TMEM65: variants seen among roughly 807,000 people sequenced by gnomAD.
TMEM65 encodes transmembrane protein 65.
Under a neutral mutation model 25.4 loss-of-function variants are expected in TMEM65, and 22 were observed. The ratio of observed to expected loss-of-function variants is 0.86; its 90% CI spans 0.62 to 1.23. The LOEUF (loss-of-function observed/expected upper bound fraction) is 1.23. Ranked by LOEUF, TMEM65 falls within the 50% of genes most tolerant of loss-of-function variation. The pLI, the probability that TMEM65 is intolerant of heterozygous loss-of-function variation, is 0.00. For synonymous variants in TMEM65, 132 were observed against 126.2 expected (o/e 1.05, Z -0.31); for missense variants, 262 against 308.2 (o/e 0.85, Z 1.12).
In TMEM65 at chr8:124,313,903, C is replaced by T; in HGVS notation, c.*57G>A. The T allele has an allele frequency of 8.7e-7, 1 of 1,145,184 alleles. No individual in the cohort carries two copies. The highest frequency in any genetic ancestry group is 1.3e-5 in the South Asian group (1 of 77,000). 70.9% of individuals were successfully genotyped at this position (1,145,184 alleles called of 1,614,324 possible). On this transcript the variant is annotated 3_prime_UTR_variant, in exon 7 of 7. Transcript: ENST00000297632. ...TCTTAATTCCTAAATGTTGTGACAG[C>T]ATATTTAATTACTGAGGTACATTAG... is the stretch of plus-strand genomic sequence containing the variant.
At chr8:124,315,286 AT>A (rs1409549165) in intron 6 of TMEM65, among the ~76,000 whole-genome samples, 1 of 150,964 alleles carries the variant, frequency 6.6e-6, no homozygotes, top group Non-Finnish European at 1.5e-5. Context: ...TCTCTTATAC[AT>A]TGTCTATTTA....
At chr8:124,318,560 G>C (rs1370204024) in intron 6 of TMEM65, among the ~76,000 whole-genome samples, 2 of 151,652 alleles carry the variant, frequency 1.3e-5, no homozygotes, top group Non-Finnish European at 2.9e-5. Context: ...ATTTTCAATA[G>C]AGACAGGGTT....
chr8:124,345,030 T>G (rs1020825107), intron 1 of TMEM65, among the ~76,000 whole-genome samples: 1 of 152,130 alleles, frequency 6.6e-6, no homozygotes, highest in East Asian at 1.9e-4. Flanking sequence ...AGGGGGAAAT[T>G]GTTAAATTAA....
At chr8:124,314,935 A>C (rs563880510) in intron 6 of TMEM65, among the ~76,000 whole-genome samples, 1 of 152,272 alleles carries the variant, frequency 6.6e-6, no homozygotes, top group South Asian at 2.1e-4. Flanking sequence ...TTGGCCTCCC[A>C]AATGAGATTA....
chr8:124,341,150 C>T (rs981816303), intron 1 of TMEM65, among the ~76,000 whole-genome samples: 1 of 151,860 alleles, frequency 6.6e-6, no homozygotes, highest in African/African-American at 2.4e-5. Context: ...AAAAGTAATA[C>T]ATGATTTTGG....
At chr8:124,320,675 G>T (rs16899542) in intron 5 of TMEM65, among the ~76,000 whole-genome samples, 1,719 of 152,172 alleles carry the variant, frequency 0.011, 28 homozygotes, top group African/African-American at 0.037. Context: ...CCTTAGAACT[G>T]TCAGGCCAAT....
At chr8:124,330,009 A>T (rs903714072) in intron 2 of TMEM65, among the ~76,000 whole-genome samples, 43 of 151,942 alleles carry the variant, frequency 2.8e-4, no homozygotes, top group African/African-American at 8.9e-4. Flanking sequence ...AGGTTTTTTT[A>T]AAAATTATAT....
At chr8:124,348,915 T>A (rs1430962400) in intron 1 of TMEM65, among the ~76,000 whole-genome samples, 1 of 152,192 alleles carries the variant, frequency 6.6e-6, no homozygotes, top group Non-Finnish European at 1.5e-5. Context: ...TGGGAAATGC[T>A]ACCACCAGCA....
rs548315565 is a variant in TMEM65 at position 124,348,172 on chromosome 8, C to G, written c.305-17380G>C. 2.0e-5 allele frequency among the ~76,000 whole-genome samples: 3 copies of G among 152,270 alleles called. No homozygotes were observed. In the East Asian group the frequency reaches 5.8e-4, roughly 29 times the overall value. On this transcript the variant is annotated intron_variant, in intron 1 of 6. Coordinates refer to ENST00000297632, the MANE Select transcript of TMEM65 (RefSeq NM_194291.3). The stretch of plus-strand genomic sequence containing the variant: ...ATGTTGGTCAGGCTGGTCTCAAACT[C>G]CTGACCTTAGGTGATCCACCCACCT...
intron 3 of TMEM65, among the ~76,000 whole-genome samples, chr8:124,324,490 GA>G (rs1169375857): frequency 1.3e-5 from 2 of 152,006 alleles, no homozygotes; most frequent in African/African-American, 4.8e-5. Context: ...TAAAGAGGAA[GA>G]AAAGGTAAAA....
At chr8:124,320,582 A>G (rs1814292306) in intron 5 of TMEM65, among the ~76,000 whole-genome samples, 2 of 152,200 alleles carry the variant, frequency 1.3e-5, no homozygotes, top group African/African-American at 4.8e-5. Context: ...AAAGCAAAGC[A>G]CTTTAACATA....
At position 124,330,764 on chromosome 8, in the gene TMEM65, T is replaced by C; in HGVS notation, c.333A>G (p.Pro111=). Residue 111 remains proline, a synonymous_variant, in exon 2 of 7, where the codon CCA becomes CCG. Coordinates refer to ENST00000297632, the MANE Select transcript of TMEM65 (RefSeq NM_194291.3). ...QEKLEAPPPT[P]GQLRYVFIHN... is the part of the protein sequence containing the mutation. Reference sequence around the variant, plus strand: ...AACCATTACCATATCTCAGCTGTCCTGGGGTGGGTGGTGGAGCTTCCAATT... The same window carrying C: ...AACCATTACCATATCTCAGCTGTCCCGGGGTGGGTGGTGGAGCTTCCAATT... The C allele has an allele frequency of 1.3e-6, 2 of 1,584,522 alleles. No homozygotes were observed. Among genetic ancestry groups the C allele is most frequent in the Non-Finnish European group, 1.7e-6 (2 of 1,168,934 alleles).
At chr8:124,314,560 C>T (rs1381028635) in intron 6 of TMEM65, among the ~76,000 whole-genome samples, 1 of 152,214 alleles carries the variant, frequency 6.6e-6, no homozygotes, top group African/African-American at 2.4e-5. Flanking sequence ...TTTCAGTATA[C>T]ATAAATGTAG....
At chr8:124,336,893 A>C (rs1814514916) in intron 1 of TMEM65, among the ~76,000 whole-genome samples, 1 of 151,950 alleles carries the variant, frequency 6.6e-6, no homozygotes, top group Non-Finnish European at 1.5e-5. Flanking sequence ...CTATACTGAT[A>C]GACAAAAAGA....
chr8:124,368,907 G>T (rs1184705100), intron 1 of TMEM65, among the ~76,000 whole-genome samples: 1 of 152,086 alleles, frequency 6.6e-6, no homozygotes, highest in Non-Finnish European at 1.5e-5. Flanking sequence ...TTGTTATACC[G>T]CAATGGATAA....
At chr8:124,338,116 TAAAG>T (rs1342465749) in intron 1 of TMEM65, among the ~76,000 whole-genome samples, 2 of 152,050 alleles carry the variant, frequency 1.3e-5, no homozygotes, top group Non-Finnish European at 2.9e-5. Context: ...CTTTTTCCTA[TAAAG>T]ATATATACAC....
At chr8:124,363,122 G>A (rs1814892890) in intron 1 of TMEM65, among the ~76,000 whole-genome samples, 1 of 152,154 alleles carries the variant, frequency 6.6e-6, no homozygotes, top group African/African-American at 2.4e-5. Context: ...ATTTCAAATT[G>A]AAAGTTTAGT....
At chr8:124,320,048 T>C in intron 6 of TMEM65, 38 bp downstream of exon 6, 1 of 1,531,642 alleles carries the variant, frequency 6.5e-7, no homozygotes, top group South Asian at 1.1e-5. Flanking sequence ...TTGCTCTGGC[T>C]ACCCAACTCA....
At chr8:124,336,605 A>G (rs965789970) in intron 1 of TMEM65, among the ~76,000 whole-genome samples, 2 of 152,058 alleles carry the variant, frequency 1.3e-5, no homozygotes, top group African/African-American at 4.8e-5. Context: ...CAAAAAGGAA[A>G]TTAGAAAATA....
Sources: gnomAD v4.1 joint callset for allele counts (sites outside exome capture counted in the v4.1 genomes callset) on GRCh38, gnomAD v4.1.1 for gene constraint, MANE v1.5 for transcripts, NCBI Gene and HGNC (gene_info 2026-07-23, HGNC 2026-07-21) for gene names.